The following BPTF variants were observed in gnomAD, a reference collection of about 807,000 sequenced individuals.
The protein encoded by BPTF is bromodomain PHD finger transcription factor, also known as nucleosome-remodeling factor subunit BPTF.
BPTF carries 18 observed loss-of-function variants against 292.5 expected under a neutral mutation model. The ratio of observed to expected loss-of-function variants is 0.06; its 90% CI spans 0.04 to 0.09. The LOEUF is 0.09. Among genes scored for constraint, BPTF ranks in the 10% least tolerant of loss-of-function variants. BPTF has a pLI of 1.00. For missense variants in BPTF, 2,726 were observed against 3,498.7 expected, an observed-to-expected ratio of 0.78 and a Z score of 5.57; for synonymous variants, 1,225 against 1,251.9, an observed-to-expected ratio of 0.98 and a Z score of 0.45.
rs58462646 is a variant in BPTF, at chr17:67,923,471, C to CTTTTTTT, written c.5708+504_5708+510dup. On this transcript the variant is annotated intron_variant, in intron 14 of 27. Coordinates refer to ENST00000306378, the MANE Select transcript of BPTF (RefSeq NM_182641.4). ...GTTTAGTAAGGTCCTCTCTCTCTGT[C>CTTTTTTT]TTTTTTTTTTTTTTTTTTTTTTTTT... Among the ~76,000 whole-genome samples, 32 of 67,516 alleles carry CTTTTTTT rather than the reference C, an allele frequency of 4.7e-4. 2 individuals carry two copies. Among genetic ancestry groups the CTTTTTTT allele is most frequent in the African/African-American group, 1.6e-3 (27 of 17,028 alleles). 44.3% of individuals were successfully genotyped at this position (67,516 alleles called of 152,430 possible). A position where few individuals can be genotyped will look rare whatever the true frequency, so the allele number is the denominator to read the frequency against.
chr17:67,955,870 A>G (rs1357312830), intron 23 of BPTF: 1 of 151,814 alleles, frequency 6.6e-6, no homozygotes, highest in African/African-American at 2.4e-5. Context: ...ATAGGCCAGG[A>G]GAGGTGTGGC....
At chr17:67,904,305 C>T (rs539853883) in intron 8 of BPTF, among the ~76,000 whole-genome samples, 62 of 152,342 alleles carry the variant, frequency 4.1e-4, no homozygotes, top group African/African-American at 1.4e-3. Flanking sequence ...GCTGGAATTA[C>T]AGGCATGAGC....
chr17:67,833,233 T>C (rs1324497791), intron 1 of BPTF, among the ~76,000 whole-genome samples: 5 of 152,102 alleles, frequency 3.3e-5, no homozygotes, highest in Non-Finnish European at 5.9e-5. Flanking sequence ...CTTCATTGTA[T>C]GGCTATACAG....
chr17:67,843,132 A>G (rs2057697406), intron 1 of BPTF, among the ~76,000 whole-genome samples: 1 of 150,422 alleles, frequency 6.6e-6, no homozygotes, highest in Non-Finnish European at 1.5e-5. Flanking sequence ...ATATATACCT[A>G]TATCTACATA....
At chr17:67,937,348 T>G (rs58715849) in intron 18 of BPTF, among the ~76,000 whole-genome samples, 10 of 150,006 alleles carry the variant, frequency 6.7e-5, no homozygotes, top group African/African-American at 2.5e-4. Context: ...TCCCAGCTAC[T>G]CGGGAGGCTG....
chr17:67,959,642 T>TCCTCCAGCCCCCCCAGCC lies in BPTF; in HGVS notation c.8039_8040insCCCAGCCCCTCCAGCCCC (p.Ala2679_Pro2684dup). On this transcript the variant is annotated inframe_insertion, in exon 24 of 28. Coordinates refer to ENST00000306378, the MANE Select transcript of BPTF (RefSeq NM_182641.4). ...CACCCTGCCCCCCAGTGACACCAGC[T>TCCTCCAGCCCCCCCAGCC]CCTCCAGCCCCTCCAGCCCCTCCAC... 1 of 1,538,756 alleles carries TCCTCCAGCCCCCCCAGCC rather than the reference T, an allele frequency of 6.5e-7. No homozygotes were observed.
chr17:67,843,676 T>C (rs548656761), intron 1 of BPTF, among the ~76,000 whole-genome samples: 16 of 149,990 alleles, frequency 1.1e-4, no homozygotes, highest in African/African-American at 3.9e-4. Context: ...ACCTTTACTA[T>C]AGAGCAGTTC....
chr17:67,924,638 C>G (rs2063720589), intron 15 of BPTF, 49 bp downstream of exon 15: 1 of 1,586,890 alleles, frequency 6.3e-7, no homozygotes, highest in Non-Finnish European at 8.6e-7. Context: ...AATGGAGGCT[C>G]TTTCAAAACA....
At chr17:67,830,665 C>T (rs1598089113) in intron 1 of BPTF, among the ~76,000 whole-genome samples, 1 of 152,074 alleles carries the variant, frequency 6.6e-6, no homozygotes, top group Non-Finnish European at 1.5e-5. Flanking sequence ...GAGGGAGCAG[C>T]AGGCACTGAT....
intron 9 of BPTF, among the ~76,000 whole-genome samples, chr17:67,908,232 C>G (rs1366837819): frequency 1.3e-5 from 2 of 151,992 alleles, no homozygotes; most frequent in African/African-American, 2.4e-5. Context: ...CATCTCAGCT[C>G]GCTGCAAACT....
intron 11 of BPTF, 64 bp from the exon 12 acceptor site, chr17:67,918,650 A>T: frequency 6.8e-7 from 1 of 1,461,016 alleles, no homozygotes; most frequent in Non-Finnish European, 9.5e-7. Context: ...TAGAGTGAAT[A>T]TGAATGTGTA....
chr17:67,932,334 C>T (rs562035712), intron 18 of BPTF, among the ~76,000 whole-genome samples: 2 of 152,236 alleles, frequency 1.3e-5, no homozygotes, highest in South Asian at 2.1e-4. Context: ...ACATATAAAA[C>T]AAAATTACAA....
intron 23 of BPTF, among the ~76,000 whole-genome samples, chr17:67,949,687 A>G (rs1009858332): frequency 2.6e-5 from 4 of 151,452 alleles, no homozygotes; most frequent in Non-Finnish European, 4.4e-5. Context: ...ACACAGACAT[A>G]CATATATATA....
chr17:67,928,470 G>C lies in BPTF; in HGVS notation c.5867G>C (p.Gly1956Ala), dbSNP rs747073852. ...AQKVMVAPIS[G>A]SVTTGTKMVL... ...AAGGTTATGGTGGCCCCCATAAGTG[G>C]CTCAGTTACAACTGGAACCAAAATG... The change falls in exon 16 of 28, where the codon GGC becomes GCC. Residue 1956 changes from glycine to alanine, a missense_variant. Physicochemically the swap from Gly to Ala is moderately conservative, Grantham distance 60. Around this residue, in one of 22 missense-constraint regions of BPTF, gnomAD observed 198 missense variants for 277.1 expected, o/e 0.71. Transcript: ENST00000306378. 6 of 1,614,112 alleles carry C rather than the reference G, an allele frequency of 3.7e-6. No homozygotes were observed. In the East Asian group the frequency reaches 1.1e-4, roughly 30 times the overall value.
intron 3 of BPTF, among the ~76,000 whole-genome samples, chr17:67,871,457 A>G (rs1305143444): frequency 6.6e-6 from 1 of 151,686 alleles, no homozygotes; most frequent in Non-Finnish European, 1.5e-5. Context: ...AAAAAAAAAA[A>G]AAAAATTATA....
chr17:67,857,854 C>T (rs1381276298), intron 2 of BPTF, among the ~76,000 whole-genome samples: 1 of 144,350 alleles, frequency 6.9e-6, no homozygotes, highest in Non-Finnish European at 1.5e-5. Context: ...TGGCGCGATC[C>T]TTGGCTCACT....
chr17:67,879,075 T>C (rs2060219460), intron 4 of BPTF, among the ~76,000 whole-genome samples: 1 of 144,826 alleles, frequency 6.9e-6, no homozygotes, highest in African/African-American at 2.6e-5. Flanking sequence ...TCAGGAATAT[T>C]TTGGCCTCAT....
chr17:67,875,482 G>A (rs12451707), intron 4 of BPTF: 256,297 of 1,200,288 alleles, frequency 0.21, 32,540 homozygotes, highest in East Asian at 0.67. Context: ...TTTAGTAGTT[G>A]ACTGAATGTG....
At chr17:67,872,165 A>G (rs1204395859) in intron 3 of BPTF, among the ~76,000 whole-genome samples, 6 of 152,164 alleles carry the variant, frequency 3.9e-5, no homozygotes, top group East Asian at 1.9e-4. Context: ...TGATTGCCAT[A>G]GTTTTTTGAA....
Sources: allele counts gnomAD v4.1 joint callset (sites outside exome capture counted in the v4.1 genomes callset), GRCh38; gene constraint gnomAD v4.1.1; regional missense constraint gnomAD v4.1.1; transcripts MANE v1.5; gene names NCBI Gene and HGNC (gene_info 2026-07-23, HGNC 2026-07-21).